The following MAD1L1 variants were observed in gnomAD, a reference collection of about 807,000 sequenced individuals.
MAD1L1 encodes mitotic spindle assembly checkpoint protein MAD1.
MAD1L1 carries 95 observed loss-of-function variants against 96.9 expected under a neutral mutation model. The ratio of observed to expected loss-of-function variants is 0.98; its 90% confidence interval spans 0.83 to 1.16. MAD1L1 has a LOEUF of 1.16. MAD1L1 is among the 50% of genes most tolerant of loss of function. The pLI is 0.00. For missense variants in MAD1L1, 1,007 were observed against 954.4 expected, an observed-to-expected ratio of 1.06 and a Z score of -0.73; for synonymous variants, 473 against 396.6, an observed-to-expected ratio of 1.19 and a Z score of -2.29.
At chr7:2,150,476 C>T (rs1235064572) in intron 10 of MAD1L1, among the ~76,000 whole-genome samples, 3 of 152,188 alleles carry the variant, frequency 2.0e-5, no homozygotes, top group Admixed American at 6.5e-5. Flanking sequence ...GCTCATCCAG[C>T]GCTCACACAG....
intron 10 of MAD1L1, among the ~76,000 whole-genome samples, chr7:2,177,620 T>G (rs1436526232): frequency 5.3e-5 from 8 of 152,342 alleles, no homozygotes; most frequent in South Asian, 2.1e-4. Flanking sequence ...AATTTCCTCA[T>G]TAGTTGCATT....
At chr7:2,210,795 A>T (rs996224167) in intron 10 of MAD1L1, among the ~76,000 whole-genome samples, 19 of 152,236 alleles carry the variant, frequency 1.2e-4, no homozygotes, top group Non-Finnish European at 2.4e-4. Flanking sequence ...GCAGGAGACT[A>T]GGGGTCGACC....
At chr7:2,042,481 C>T (rs189820646) in intron 12 of MAD1L1, among the ~76,000 whole-genome samples, 6 of 152,334 alleles carry the variant, frequency 3.9e-5, no homozygotes, top group East Asian at 1.9e-4. Context: ...ATGGTATCAA[C>T]GTTCATTTAT....
intron 12 of MAD1L1, among the ~76,000 whole-genome samples, chr7:2,067,619 C>G (rs1489083620): frequency 6.6e-6 from 1 of 152,126 alleles, no homozygotes; most frequent in Non-Finnish European, 1.5e-5. Flanking sequence ...CAGTGGTCAG[C>G]CCGAACCACC....
chr7:2,229,013 C>G (rs1250534529), intron 3 of MAD1L1, among the ~76,000 whole-genome samples: 3 of 152,128 alleles, frequency 2.0e-5, no homozygotes, highest in Non-Finnish European at 1.5e-5. Flanking sequence ...GATTACAGGC[C>G]TGAGCCACCA....
At chr7:1,950,004 G>C (rs976370586) in intron 16 of MAD1L1, among the ~76,000 whole-genome samples, 2 of 152,248 alleles carry the variant, frequency 1.3e-5, no homozygotes, top group Non-Finnish European at 2.9e-5. Context: ...GCAGGGACAG[G>C]CTGGGGGAGA....
chr7:2,012,339 C>T (rs1276856055), intron 13 of MAD1L1, among the ~76,000 whole-genome samples: 3 of 152,236 alleles, frequency 2.0e-5, no homozygotes, highest in Non-Finnish European at 4.4e-5. Flanking sequence ...CTGGAGAAAT[C>T]GCTCAACGTG....
At chr7:2,037,348 G>C (rs963752935) in intron 12 of MAD1L1, among the ~76,000 whole-genome samples, 14 of 152,246 alleles carry the variant, frequency 9.2e-5, no homozygotes, top group Admixed American at 9.2e-4. Context: ...TAAGGAGCCA[G>C]CATGGACCCA....
At chr7:1,828,184 C>T (rs1782525841) in intron 18 of MAD1L1, among the ~76,000 whole-genome samples, 1 of 152,150 alleles carries the variant, frequency 6.6e-6, no homozygotes, top group African/African-American at 2.4e-5. Context: ...AGGACAGATG[C>T]ACCTGCCATC....
intron 12 of MAD1L1, among the ~76,000 whole-genome samples, chr7:2,031,506 T>C (rs1783225137): frequency 6.6e-6 from 1 of 152,278 alleles, no homozygotes; most frequent in Non-Finnish European, 1.5e-5. Context: ...CACTGCTCTA[T>C]GACAAATTCC....
chr7:2,221,146 C>T, intron 5 of MAD1L1: 1 of 856,080 alleles, frequency 1.2e-6, no homozygotes, highest in East Asian at 2.7e-5. Flanking sequence ...CTTCCCCTCA[C>T]TATGCCCCAC....
At chr7:2,012,391 G>A (rs147351353) in intron 13 of MAD1L1, among the ~76,000 whole-genome samples, 190 of 152,330 alleles carry the variant, frequency 1.2e-3, no homozygotes, top group African/African-American at 4.0e-3. Flanking sequence ...GACCCTCCCC[G>A]CAAATCTCTC....
intron 11 of MAD1L1, among the ~76,000 whole-genome samples, chr7:2,083,123 G>C (rs1049483144): frequency 3.3e-5 from 5 of 152,208 alleles, no homozygotes; most frequent in African/African-American, 7.2e-5. Context: ...GACCAATAAA[G>C]AAACATCTCC....
chr7:1,947,410 G>A (rs1779280203), intron 16 of MAD1L1, among the ~76,000 whole-genome samples: 1 of 152,262 alleles, frequency 6.6e-6, no homozygotes, highest in African/African-American at 2.4e-5. Context: ...CAGTCCTTAT[G>A]CATATTTATA....
In MAD1L1 at chr7:1,852,933, C is replaced by T. The variant is rs564441832; in HGVS notation, c.1999-36705G>A. The stretch of plus-strand genomic sequence containing the variant: ...GGAGCCCATGTCTGCATCATTTATC[C>T]GGGCCTTCACGTGCTCCTCTAGCAC... On this transcript the variant is annotated intron_variant, in intron 18 of 18. Coordinates refer to ENST00000265854, the MANE Select transcript of MAD1L1 (RefSeq NM_001013836.2). 3.3e-5 allele frequency among the ~76,000 whole-genome samples: 5 copies of T among 152,302 alleles called. No individual in the cohort carries two copies. The East Asian group carries it at 5.8e-4, about 18-fold the overall frequency.
At chr7:1,938,673 G>A (rs770008824) in intron 16 of MAD1L1, among the ~76,000 whole-genome samples, 5 of 152,020 alleles carry the variant, frequency 3.3e-5, no homozygotes, top group African/African-American at 4.8e-5. Flanking sequence ...TTCCCAAAAA[G>A]ACACCCAAAA....
intron 16 of MAD1L1, among the ~76,000 whole-genome samples, chr7:1,951,885 G>A (rs964048298): frequency 6.6e-6 from 1 of 152,170 alleles, no homozygotes; most frequent in Admixed American, 6.5e-5. Flanking sequence ...TACCGTGAGC[G>A]AGGCTGCTGT....
intron 13 of MAD1L1, among the ~76,000 whole-genome samples, chr7:2,002,697 A>G (rs974632916): frequency 3.3e-5 from 5 of 152,140 alleles, no homozygotes; most frequent in Non-Finnish European, 7.4e-5. Flanking sequence ...AAGGGTAGAA[A>G]AGCCAGCAAT....
At chr7:2,083,290 C>T (rs774745068) in intron 11 of MAD1L1, among the ~76,000 whole-genome samples, 1 of 152,238 alleles carries the variant, frequency 6.6e-6, no homozygotes, top group African/African-American at 2.4e-5. Context: ...ATGAACCTCG[C>T]TTCCTCCGTG....
Sources: gnomAD v4.1 joint callset for allele counts (sites outside exome capture counted in the v4.1 genomes callset) on GRCh38, gnomAD v4.1.1 for gene constraint, MANE v1.5 for transcripts, NCBI Gene and HGNC (gene_info 2026-07-23, HGNC 2026-07-21) for gene names.